Variants in MCUB observed in about 807,000 individuals in gnomAD.
MCUB encodes the protein calcium uniporter regulatory subunit MCUb, mitochondrial.
MCUB carries 46 observed loss-of-function variants against 41.4 expected under a neutral mutation model. The ratio of observed to expected loss-of-function variants is 1.11; its 90% CI spans 0.88 to 1.42. The LOEUF (loss-of-function observed/expected upper bound fraction) is 1.42, where lower values mean the gene tolerates loss of function less well. Ranked by LOEUF, MCUB falls within the 40% of genes most tolerant of loss-of-function variation. The pLI is 0.00. For synonymous variants in MCUB, 148 were observed against 148.2 expected, an observed-to-expected ratio of 1.00 and a Z score of 0.01; for missense variants, 403 against 404.9, an observed-to-expected ratio of 1.00 and a Z score of 0.04.
At chr4:109,567,184 A>G (rs1345309845) in intron 1 of MCUB, among the ~76,000 whole-genome samples, 1 of 151,660 alleles carries the variant, frequency 6.6e-6, no homozygotes, top group Non-Finnish European at 1.5e-5. Context: ...ATTATATTCA[A>G]CTGCATATAT....
At chr4:109,576,905 G>A (rs775452753) in intron 1 of MCUB, among the ~76,000 whole-genome samples, 1 of 152,060 alleles carries the variant, frequency 6.6e-6, no homozygotes, top group African/African-American at 2.4e-5. Flanking sequence ...AGGCTGGAGT[G>A]CAGTGGCGCA....
chr4:109,568,281 C>T (rs1579041853), intron 1 of MCUB, among the ~76,000 whole-genome samples: 2 of 152,100 alleles, frequency 1.3e-5, no homozygotes, highest in Admixed American at 1.3e-4. Flanking sequence ...CTTGTAAATA[C>T]CCTTTTATGG....
intron 1 of MCUB, 70 bp downstream of exon 1, chr4:109,560,506 C>A: frequency 2.7e-6 from 2 of 749,166 alleles, no homozygotes; most frequent in Non-Finnish European, 3.7e-6. Context: ...ACAACTTTGG[C>A]GGGAGCAAAA....
At chr4:109,587,860 G>A (rs1727346950) in intron 1 of MCUB, among the ~76,000 whole-genome samples, 2 of 152,172 alleles carry the variant, frequency 1.3e-5, no homozygotes, top group South Asian at 4.1e-4. Context: ...CTCAGATGTT[G>A]TAAGTAATAA....
At chr4:109,651,317 G>T (rs1441894280) in intron 1 of MCUB, among the ~76,000 whole-genome samples, 1 of 152,006 alleles carries the variant, frequency 6.6e-6, no homozygotes. Context: ...ATCATCCATT[G>T]AGCACTTCCT....
At chr4:109,567,376 G>A (rs1403828902) in intron 1 of MCUB, among the ~76,000 whole-genome samples, 2 of 151,950 alleles carry the variant, frequency 1.3e-5, no homozygotes, top group Non-Finnish European at 2.9e-5. Flanking sequence ...GGTACTGTAT[G>A]TGTTCCTGTG....
chr4:109,621,949 T>C (rs1461747939), intron 1 of MCUB, among the ~76,000 whole-genome samples: 1 of 152,182 alleles, frequency 6.6e-6, no homozygotes, highest in Non-Finnish European at 1.5e-5. Context: ...AGGCATGATC[T>C]TGGTTCACTG....
intron 1 of MCUB, among the ~76,000 whole-genome samples, chr4:109,652,426 T>C (rs2126142804): frequency 6.6e-6 from 1 of 152,374 alleles, no homozygotes; most frequent in South Asian, 2.1e-4. Context: ...GTAATCTCTT[T>C]TGTGCTGCTG....
At chr4:109,672,751 C>A (rs892017665) in intron 4 of MCUB, among the ~76,000 whole-genome samples, 3 of 152,186 alleles carry the variant, frequency 2.0e-5, no homozygotes, top group African/African-American at 7.2e-5. Context: ...AAAAGTCCTC[C>A]AGCTTGAAGC....
At chr4:109,680,615 G>A (rs1453452342) in intron 4 of MCUB, among the ~76,000 whole-genome samples, 1 of 152,108 alleles carries the variant, frequency 6.6e-6, no homozygotes, top group Non-Finnish European at 1.5e-5. Flanking sequence ...AAGCCTAAAA[G>A]AGAACACCTA....
chr4:109,646,569 C>G (rs957087410), intron 1 of MCUB, among the ~76,000 whole-genome samples: 1 of 152,210 alleles, frequency 6.6e-6, no homozygotes, highest in Non-Finnish European at 1.5e-5. Context: ...TCACTCCATT[C>G]ATCTACTTAA....
In MCUB at chr4:109,617,347, G is replaced by A. The variant is rs78181274; in HGVS notation, c.100-41664G>A. Reference sequence around the variant, plus strand: ...GTGTCTCTGACCTTGTATACTACACGTTTTTAGCACCCATCAGTCAATGTG... The same window carrying A: ...GTGTCTCTGACCTTGTATACTACACATTTTTAGCACCCATCAGTCAATGTG... On this transcript the variant is annotated intron_variant, in intron 1 of 7. Transcript: ENST00000394650. Among the ~76,000 whole-genome samples, 236 of 152,208 alleles carry A rather than the reference G, an allele frequency of 1.6e-3. 5 individuals carry two copies. In the East Asian group the frequency reaches 0.035, roughly 23 times the overall value.
intron 1 of MCUB, among the ~76,000 whole-genome samples, chr4:109,594,461 G>C (rs1727508645): frequency 6.6e-6 from 1 of 152,178 alleles, no homozygotes; most frequent in Non-Finnish European, 1.5e-5. Flanking sequence ...GGGAGGACCA[G>C]CCTGGCCAAT....
At chr4:109,595,916 A>G (rs1489093186) in intron 1 of MCUB, among the ~76,000 whole-genome samples, 4 of 148,102 alleles carry the variant, frequency 2.7e-5, no homozygotes, top group Non-Finnish European at 5.9e-5. Context: ...TTGTAGAGAA[A>G]AGATGAACTT....
intron 1 of MCUB, among the ~76,000 whole-genome samples, chr4:109,575,623 T>C (rs1727008997): frequency 1.3e-5 from 2 of 152,210 alleles, no homozygotes; most frequent in South Asian, 4.1e-4. Context: ...AATCAACAGT[T>C]GTTATGCCTG....
At position 109,685,236 on chromosome 4, in the gene MCUB, CTCTT is replaced by C. The variant is rs1729811178; in HGVS notation, c.817-13_817-10del. Reference sequence around the variant, plus strand: ...CAAAACATGTTGTTTTCTTCTCTCTCTCTTTTTTTTTAAGGATTATACTTACTCA... The same window carrying C: ...CAAAACATGTTGTTTTCTTCTCTCTCTTTTTTTAAGGATTATACTTACTCA... On this transcript the variant is annotated splice_polypyrimidine_tract_variant and intron_variant, in intron 6 of 7. Coordinates refer to ENST00000394650, the MANE Select transcript of MCUB (RefSeq NM_017918.5). 2.2e-6 allele frequency: 2 copies of C among 928,730 alleles called. No homozygotes were observed. Among genetic ancestry groups the C allele is most frequent in the South Asian group, 1.4e-5 (1 of 71,858 alleles). The allele number at this position is 928,730 out of a possible 1,614,324, so 57.5% of individuals were successfully genotyped here.
rs1323498405 is a variant in MCUB, at chr4:109,682,587, C to A, written c.457C>A (p.Pro153Thr). 1 of 1,599,862 alleles carries A rather than the reference C, an allele frequency of 6.3e-7. No individual in the cohort carries two copies. The highest frequency in any genetic ancestry group is 8.5e-7 in the Non-Finnish European group (1 of 1,174,348). ...YDVQCPKREKPSNEHTAEMEH... is the reference protein window; with the variant it reads ...YDVQCPKREKTSNEHTAEMEH... ...TCCCTTGTGTCTTTTCTCAGAAAAA[C>A]CAAGTAATGAGCACACTGCTGAGAT... Residue 153 changes from proline to threonine, a missense_variant, in exon 5 of 8, where the codon CCA becomes ACA. Physicochemically the swap from Pro to Thr is conservative, Grantham distance 38. Transcript: ENST00000394650.
chr4:109,651,494 C>A (rs1728959834), intron 1 of MCUB, among the ~76,000 whole-genome samples: 1 of 152,094 alleles, frequency 6.6e-6, no homozygotes, highest in Admixed American at 6.5e-5. Flanking sequence ...CTCATAGGCT[C>A]TCTCAGAAAG....
intron 1 of MCUB, among the ~76,000 whole-genome samples, chr4:109,617,328 C>T (rs1728149386): frequency 1.3e-5 from 2 of 152,158 alleles, no homozygotes; most frequent in South Asian, 4.1e-4. Flanking sequence ...TTTAGTGTCT[C>T]TGACCTTGTA....
Sources: gnomAD v4.1 joint callset for allele counts (sites outside exome capture counted in the v4.1 genomes callset) on GRCh38, gnomAD v4.1.1 for gene constraint, MANE v1.5 for transcripts, NCBI Gene and HGNC (gene_info 2026-07-23, HGNC 2026-07-21) for gene names.